Variants in RSPRY1 observed in about 807,000 individuals in gnomAD.
The protein encoded by RSPRY1 is RING finger and SPRY domain-containing protein 1.
A neutral mutation model predicts 73.1 loss-of-function variants in RSPRY1; 23 were observed. The ratio of observed to expected loss-of-function variants is 0.31; its 90% confidence interval spans 0.23 to 0.45. RSPRY1 has a LOEUF of 0.45. RSPRY1 is among the 20% of genes least tolerant of loss of function. RSPRY1 has a pLI of 1.00. For synonymous variants in RSPRY1, 226 were observed against 251.4 expected, an observed-to-expected ratio of 0.90 and a Z score of 0.95; for missense variants, 448 against 698.7, an observed-to-expected ratio of 0.64 and a Z score of 4.05.
intron 11 of RSPRY1, among the ~76,000 whole-genome samples, chr16:57,229,723 T>G (rs1448645647): frequency 1.1e-5 from 1 of 88,580 alleles, no homozygotes; most frequent in Non-Finnish European, 2.1e-5. Context: ...TTTTTTTTTT[T>G]GAGATGCAGT....
intron 13 of RSPRY1, among the ~76,000 whole-genome samples, chr16:57,234,896 A>G (rs1308454390): frequency 6.6e-6 from 1 of 152,224 alleles, no homozygotes; most frequent in Non-Finnish European, 1.5e-5. Flanking sequence ...TATACAAGTC[A>G]TTTCCTTGAA....
intron 1 of RSPRY1, among the ~76,000 whole-genome samples, chr16:57,191,786 T>C (rs912251178): frequency 6.6e-6 from 1 of 152,220 alleles, no homozygotes; most frequent in African/African-American, 2.4e-5. Context: ...TGCTGATTTG[T>C]ATAGTCACCT....
chr16:57,186,192 AGGGCGGGCCG>A, upstream of RSPRY1: 2 of 985,370 alleles, frequency 2.0e-6, no homozygotes, highest in Non-Finnish European at 2.4e-6. Flanking sequence ...CTGCGCCTGG[AGGGCGGGCCG>A]GTCCCGCTGA....
chr16:57,214,003 G>T, intron 6 of RSPRY1, 57 bp downstream of exon 6: 1 of 1,184,198 alleles, frequency 8.4e-7, no homozygotes, highest in South Asian at 1.2e-5. Flanking sequence ...GCATCATCTA[G>T]AACTGTGCAT....
chr16:57,234,204 C>T (rs2075268801), intron 13 of RSPRY1, among the ~76,000 whole-genome samples: 1 of 152,204 alleles, frequency 6.6e-6, no homozygotes, highest in Admixed American at 6.5e-5. Context: ...AGGGCACTTG[C>T]TGTTCCTGCT....
At chr16:57,195,763 C>G (rs750613608) in intron 1 of RSPRY1, among the ~76,000 whole-genome samples, 1 of 151,460 alleles carries the variant, frequency 6.6e-6, no homozygotes, top group East Asian at 1.9e-4. Context: ...TGGCTCACAC[C>G]TGTAATCCCA....
intron 3 of RSPRY1, among the ~76,000 whole-genome samples, chr16:57,208,832 C>T (rs761038789): frequency 6.6e-6 from 1 of 152,188 alleles, no homozygotes; most frequent in Non-Finnish European, 1.5e-5. Flanking sequence ...TGTGAGAGCA[C>T]AAGACCATAG....
chr16:57,189,747 AC>A (rs2074321097), intron 1 of RSPRY1, among the ~76,000 whole-genome samples: 1 of 151,510 alleles, frequency 6.6e-6, no homozygotes, highest in South Asian at 2.1e-4. Flanking sequence ...GCGAGCCACC[AC>A]ACCTGGCCAA....
chr16:57,214,912 C>T (rs945250190), intron 6 of RSPRY1, among the ~76,000 whole-genome samples: 1 of 152,106 alleles, frequency 6.6e-6, no homozygotes, highest in African/African-American at 2.4e-5. Flanking sequence ...GTGTGTAGTC[C>T]CAGCTACTCA....
At chr16:57,220,886 A>T in intron 9 of RSPRY1, 39 bp downstream of exon 9, 1 of 1,380,272 alleles carries the variant, frequency 7.2e-7, no homozygotes, top group Non-Finnish European at 1.0e-6. Context: ...TTGGGGGATG[A>T]GAGGGTAATT....
chr16:57,193,017 A>G (rs2074377577), intron 1 of RSPRY1, among the ~76,000 whole-genome samples: 3 of 152,150 alleles, frequency 2.0e-5, no homozygotes, highest in Admixed American at 2.0e-4. Flanking sequence ...TGCCCTGCTC[A>G]GATAGTCTTT....
At chr16:57,205,411 A>G (rs1431326542) in intron 2 of RSPRY1, 1 of 186,788 alleles carries the variant, frequency 5.4e-6, no homozygotes, top group African/African-American at 2.3e-5. Context: ...ACATGGCTAC[A>G]GGCAACTTCT....
Position 57,238,845 on chromosome 16 carries a change from T to G in RSPRY1, c.1635-34T>G, listed in dbSNP as rs772924493. ...AGTTGGAGTTTGACCTTTTGAAGCA[T>G]TAACTTGACTGACTTTTCTGTGTTT... On this transcript the variant is annotated intron_variant, in intron 14 of 14. Transcript: ENST00000394420. The G allele has an allele frequency of 2.4e-5, 32 of 1,341,340 alleles. No individual in the cohort carries two copies. The South Asian group carries it at 4.0e-4, about 17-fold the overall frequency. The allele number at this position is 1,341,340 out of a possible 1,614,324, so 83.1% of individuals were successfully genotyped here.
At chr16:57,205,310 A>G (rs544203797) in intron 2 of RSPRY1, 18 of 319,340 alleles carry the variant, frequency 5.6e-5, no homozygotes, top group African/African-American at 3.6e-4. Context: ...GCTAGCTACA[A>G]TAGGAAATGG....
chr16:57,204,095 A>AT (rs1300229338), intron 1 of RSPRY1, among the ~76,000 whole-genome samples: 2 of 152,170 alleles, frequency 1.3e-5, no homozygotes, highest in Non-Finnish European at 2.9e-5. Flanking sequence ...GAGTTAATTC[A>AT]TTTTTTTAAA....
At chr16:57,201,242 G>A (rs1466512420) in intron 1 of RSPRY1, among the ~76,000 whole-genome samples, 1 of 151,946 alleles carries the variant, frequency 6.6e-6, no homozygotes, top group Non-Finnish European at 1.5e-5. Context: ...CTTCTCAGAC[G>A]GTGTGGCTGC....
intron 10 of RSPRY1, among the ~76,000 whole-genome samples, chr16:57,222,827 C>T (rs747744979): frequency 2.0e-5 from 3 of 152,098 alleles, no homozygotes; most frequent in Non-Finnish European, 4.4e-5. Context: ...ACTTGTCTCT[C>T]CTGATTTGGC....
intron 1 of RSPRY1, among the ~76,000 whole-genome samples, chr16:57,189,891 T>C (rs143134151): frequency 1.3e-5 from 2 of 152,180 alleles, no homozygotes; most frequent in East Asian, 3.9e-4. Context: ...ATGCCTGGCC[T>C]CGTGAGCTTA....
At chr16:57,216,874 T>A in intron 7 of RSPRY1, 30 bp from the exon 8 acceptor site, 1 of 1,603,328 alleles carries the variant, frequency 6.2e-7, no homozygotes, top group Non-Finnish European at 8.5e-7. Flanking sequence ...CCTTTCATTG[T>A]TAATTCAAGG....
Sources: gnomAD v4.1 joint callset for allele counts (sites outside exome capture counted in the v4.1 genomes callset) on GRCh38, gnomAD v4.1.1 for gene constraint, MANE v1.5 for transcripts, NCBI Gene and HGNC (gene_info 2026-07-23, HGNC 2026-07-21) for gene names.